The following ILK variants were observed in gnomAD, a reference collection of about 807,000 sequenced individuals.
The protein encoded by ILK is scaffold protein ILK.
In ILK, 37 loss-of-function variants were observed where a neutral mutation model predicts 57.8. The observed-to-expected ratio is 0.64, with a 90% CI of 0.49 to 0.84. The LOEUF (loss-of-function observed/expected upper bound fraction) is 0.84. ILK is among the 40% of genes least tolerant of loss of function. The probability of loss-of-function intolerance (pLI) is 0.00; values close to 1 mark genes in which losing one functional copy is unlikely to be tolerated. For missense variants in ILK, 528 were observed against 595.7 expected (o/e 0.89, Z 1.18); for synonymous variants, 231 against 202.2 (o/e 1.14, Z -1.21).
intron 2 of ILK, chr11:6,607,242 A>T (rs996932233): frequency 6.6e-6 from 1 of 152,102 alleles, no homozygotes; most frequent in Non-Finnish European, 1.5e-5. Flanking sequence ...CTCCAAACCA[A>T]TTGTTTTGTT....
Position 6,609,932 on chromosome 11 carries a change from T to C in ILK, c.979-4T>C. 3.1e-6 allele frequency: 5 copies of C among 1,614,150 alleles called. No homozygotes were observed. The highest frequency in any genetic ancestry group is 4.2e-6 in the Non-Finnish European group (5 of 1,180,008). On this transcript the variant is annotated splice_polypyrimidine_tract_variant and splice_region_variant and intron_variant, in intron 10 of 12. Transcript: ENST00000299421. ...CCTCCTTCTATCTGTTTTCTCTTCC[T>C]CAGATTGATGAGGACATGACTGCCC...
intron 2 of ILK, 190 bp downstream of exon 2, chr11:6,604,550 G>A: frequency 1.5e-6 from 1 of 666,746 alleles, no homozygotes; most frequent in Non-Finnish European, 2.7e-6. Context: ...CAGAATAAGA[G>A]TTTCACAGGC....
rs747841745 is a variant in ILK at position 6,608,233 on chromosome 11, A to G, written c.255+22A>G. The G allele has an allele frequency of 3.2e-5, 51 of 1,613,692 alleles. 1 individual carries two copies. In the South Asian group the frequency reaches 5.6e-4, roughly 18 times the overall value. ...GAAGGTACGTACAAACTCCTTCGTC[A>G]TCCACATCACATACATGCCATGAGG... On this transcript the variant is annotated intron_variant, in intron 3 of 12. Transcript: ENST00000299421. The surrounding 1 kb of genome is among the most constrained non-coding windows in gnomAD (Gnocchi z 4.9).
chr11:6,609,242 G>A lies in ILK; in HGVS notation c.619-57G>A. The A allele has an allele frequency of 2.5e-6, 4 of 1,603,170 alleles. No homozygotes were observed. The South Asian group carries it at 4.4e-5, about 18-fold the overall frequency. ...CTGTTTTAAGTTTTTCCTCCAGTTA[G>A]TGGGCAAGGAAGTGGCAGCAACATT... On this transcript the variant is annotated intron_variant, in intron 7 of 12. Transcript: ENST00000299421.
intron 2 of ILK, 51 bp downstream of exon 2, chr11:6,604,411 A>C (rs1223230009): frequency 8.1e-6 from 12 of 1,490,632 alleles, no homozygotes; most frequent in Middle Eastern, 1.7e-4. Context: ...TCTCCTGGCT[A>C]CGTGGAGTGG....
At chr11:6,604,039 C>T (rs1050652672) in intron 1 of ILK, 141 bp from the exon 2 acceptor site, 2 of 604,880 alleles carry the variant, frequency 3.3e-6, no homozygotes, top group African/African-American at 3.7e-5. Flanking sequence ...CACCCCCTGC[C>T]CACCCTGACC....
At chr11:6,605,846 C>T (rs1285834677) in intron 2 of ILK, among the ~76,000 whole-genome samples, 2 of 152,200 alleles carry the variant, frequency 1.3e-5, no homozygotes, top group Non-Finnish European at 2.9e-5. Flanking sequence ...CAGAATCTGA[C>T]ATAATCTCTG....
rs1419936517 is a variant in ILK at position 6,610,049 on chromosome 11, T to G, written c.1078+14T>G. 1 of 1,613,920 alleles carries G rather than the reference T, an allele frequency of 6.2e-7. No individual in the cohort carries two copies. Among genetic ancestry groups the G allele is most frequent in the Non-Finnish European group, 8.5e-7 (1 of 1,179,974 alleles). On this transcript the variant is annotated intron_variant, in intron 11 of 12. Transcript: ENST00000299421. ...TAGCCCCCGAAGGTGAGTGAAGTCATCATGTCGGGAGGTAAAAAAGGACCA... is the reference window on the plus strand; with the variant it reads ...TAGCCCCCGAAGGTGAGTGAAGTCAGCATGTCGGGAGGTAAAAAAGGACCA...
chr11:6,610,054 T>C lies in ILK; in HGVS notation c.1078+19T>C. On this transcript the variant is annotated intron_variant, in intron 11 of 12. Coordinates refer to ENST00000299421, the MANE Select transcript of ILK (RefSeq NM_004517.4). ...CCCGAAGGTGAGTGAAGTCATCATG[T>C]CGGGAGGTAAAAAAGGACCACCTCA... The C allele has an allele frequency of 1.2e-6, 2 of 1,614,088 alleles. No individual in the cohort carries two copies. The highest frequency in any genetic ancestry group is 1.7e-6 in the Non-Finnish European group (2 of 1,180,006).
At chr11:6,605,311 G>A (rs562775810) in intron 2 of ILK, among the ~76,000 whole-genome samples, 6 of 152,256 alleles carry the variant, frequency 3.9e-5, no homozygotes, top group African/African-American at 1.4e-4. Flanking sequence ...TCTCAGGAGA[G>A]TGGAAGGCAA....
intron 1 of ILK, 106 bp from the exon 2 acceptor site, chr11:6,604,074 C>G (rs1854572375): frequency 1.6e-6 from 1 of 633,364 alleles, no homozygotes. Context: ...GTCTAGAGGA[C>G]ACAGCCAGGG....
intron 1 of ILK, 143 bp from the exon 2 acceptor site, chr11:6,604,037 G>C: frequency 1.7e-6 from 1 of 602,004 alleles, no homozygotes; most frequent in Non-Finnish European, 3.0e-6. Context: ...GTCACCCCCT[G>C]CCCACCCTGA....
chr11:6,609,017 C>T (rs188578152), intron 6 of ILK, 50 bp downstream of exon 6: 6 of 1,612,382 alleles, frequency 3.7e-6, no homozygotes, highest in South Asian at 2.2e-5. Context: ...TAATCCTGGC[C>T]TCTTGGGGCT....
In ILK at chr11:6,608,978, A is replaced by T; in HGVS notation, c.532+11A>T. 2 of 1,614,004 alleles carry T rather than the reference A, an allele frequency of 1.2e-6. No individual in the cohort carries two copies. Among genetic ancestry groups the T allele is most frequent in the South Asian group, 2.2e-5 (2 of 91,078 alleles). The stretch of plus-strand genomic sequence containing the variant: ...CCCGCACTCGGCCCCGTGAGTCACC[A>T]CTGTGGGAAGAAGGGTTGTAAAAGG... On this transcript the variant is annotated intron_variant, in intron 6 of 12. Transcript: ENST00000299421. This position sits in a 1 kb window ranked among gnomAD's most constrained non-coding sequence, Gnocchi z 4.9.
Position 6,608,886 on chromosome 11 carries a change from C to G in ILK, c.451C>G (p.Arg151Gly). 1 of 1,614,124 alleles carries G rather than the reference C, an allele frequency of 6.2e-7. No homozygotes were observed. Among genetic ancestry groups the G allele is most frequent in the Non-Finnish European group, 8.5e-7 (1 of 1,179,992 alleles). ...KAPLRELLRE[R>G]AEKMGQNLNR... ...CTTAGGTTGTTTTTCTTCCCTAGAG[C>G]GGGCAGAGAAGATGGGCCAGAATCT... The change falls in exon 6 of 13, where the codon CGG (arginine) becomes GGG (glycine). Residue 151 changes from arginine (R) to glycine (G), a missense_variant and splice_region_variant. Arg to Gly is a moderately radical substitution (Grantham distance 125). Transcript: ENST00000299421. The surrounding 1 kb of genome is among the most constrained non-coding windows in gnomAD (Gnocchi z 4.9).
rs1054298875 is a variant in ILK at position 6,608,322 on chromosome 11, C to T, written c.256-72C>T. 1 of 1,571,078 alleles carries T rather than the reference C, an allele frequency of 6.4e-7. No individual in the cohort carries two copies. The highest frequency in any genetic ancestry group is 1.4e-5 in the African/African-American group (1 of 73,942). On this transcript the variant is annotated intron_variant, in intron 3 of 12. Coordinates refer to ENST00000299421, the MANE Select transcript of ILK (RefSeq NM_004517.4). This position sits in a 1 kb window ranked among gnomAD's most constrained non-coding sequence, Gnocchi z 4.9. The stretch of plus-strand genomic sequence containing the variant: ...TGTGCTCTTCCCCCTTTTCCCATGC[C>T]CTGACACCAGTATCTCATTTGGAAC...
At chr11:6,609,025 G>A (rs767199516) in intron 6 of ILK, 46 bp from the exon 7 acceptor site, 14 of 1,612,326 alleles carry the variant, frequency 8.7e-6, no homozygotes, top group Non-Finnish European at 1.1e-5. Context: ...GCCTCTTGGG[G>A]CTGGGTTAGG....
rs187795252 is a variant in ILK, at chr11:6,608,764, A to G, written c.422A>G (p.Lys141Arg). The change falls in exon 5 of 13, where the codon AAG (lysine) becomes AGG (arginine). Residue 141 changes from lysine to arginine, a missense_variant. By Grantham distance (26) the Lys-to-Arg change is conservative. Coordinates refer to ENST00000299421, the MANE Select transcript of ILK (RefSeq NM_004517.4). This position sits in a 1 kb window ranked among gnomAD's most constrained non-coding sequence, Gnocchi z 4.9. The stretch of plus-strand genomic sequence containing the variant: ...GGAGAGATGCCTGTGGACAAAGCCA[A>G]GGCACCCCTGAGAGAGCTTCTCCGA... ...KYGEMPVDKA[K>R]APLRELLRER... 3.1e-6 allele frequency: 5 copies of G among 1,614,122 alleles called. No individual in the cohort carries two copies. The highest frequency in any genetic ancestry group is 1.7e-5 in the Admixed American group (1 of 60,028).
In ILK at chr11:6,610,812, G is replaced by A; in HGVS notation, c.*201G>A. The A allele has an allele frequency of 2.2e-6, 3 of 1,394,020 alleles. No individual in the cohort carries two copies. Among genetic ancestry groups the A allele is most frequent in the South Asian group, 2.4e-5 (2 of 83,236 alleles). The allele number at this position is 1,394,020 out of a possible 1,614,324, so 86.4% of individuals were successfully genotyped here. A position where few individuals can be genotyped will look rare whatever the true frequency, so the allele number is the denominator to read the frequency against. ...TCAGAGCTTTGTCACTTGCCACATG[G>A]TGTCTCCCAACATGGGAGGGATCAG... On this transcript the variant is annotated 3_prime_UTR_variant, in exon 13 of 13. Coordinates refer to ENST00000299421, the MANE Select transcript of ILK (RefSeq NM_004517.4).
Sources: allele counts gnomAD v4.1 joint callset (sites outside exome capture counted in the v4.1 genomes callset), GRCh38; gene constraint gnomAD v4.1.1; non-coding constraint Gnocchi (gnomAD v3.1); transcripts MANE v1.5; gene names NCBI Gene and HGNC (gene_info 2026-07-23, HGNC 2026-07-21).